The following RAB3D variants were observed in gnomAD, a reference collection of about 807,000 sequenced individuals.
RAB3D encodes ras-related protein Rab-3D.
Under a neutral mutation model 19.3 loss-of-function variants are expected in RAB3D, and 17 were observed. The ratio of observed to expected loss-of-function variants is 0.88; its 90% CI spans 0.60 to 1.32. The LOEUF is 1.32. RAB3D is among the 40% of genes most tolerant of loss of function. The pLI is 0.00. For missense variants in RAB3D, 223 were observed against 299.1 expected (o/e 0.75, Z 1.88); for synonymous variants, 103 against 119.9 (o/e 0.86, Z 0.92).
intron 4 of RAB3D, among the ~76,000 whole-genome samples, chr19:11,327,932 G>A (rs1398911206): frequency 6.6e-6 from 1 of 152,038 alleles, no homozygotes; most frequent in African/African-American, 2.4e-5. Flanking sequence ...AAAGTATTAA[G>A]ACAGCCTATA....
rs758587387 is a variant in RAB3D, at chr19:11,335,447, C to T, written c.472G>A (p.Gly158Ser). 2 of 1,614,026 alleles carry T rather than the reference C, an allele frequency of 1.2e-6. No homozygotes were observed. The highest frequency in any genetic ancestry group is 2.2e-5 in the South Asian group (2 of 91,074). ...EDGRRLADDL[G>S]FEFFEASAKE... ...CCTGTGGCCCAGGCTGGGCACTAAC[C>T]AAGGTCGTCGGCGAGCCTCCGGCCA... The change falls in exon 4 of 5, where the codon GGT becomes AGT. Residue 158 changes from glycine to serine, a missense_variant and splice_region_variant. Gly to Ser is a moderately conservative substitution (Grantham distance 56, BLOSUM62 0). Transcript: ENST00000222120.
At chr19:11,326,480 G>T (rs533514801) in intron 4 of RAB3D, among the ~76,000 whole-genome samples, 1 of 152,342 alleles carries the variant, frequency 6.6e-6, no homozygotes, top group East Asian at 1.9e-4. Flanking sequence ...ATAGGTGGGA[G>T]GGTACATGAA....
At chr19:11,326,245 G>A (rs318686) in intron 4 of RAB3D, among the ~76,000 whole-genome samples, 15,554 of 151,508 alleles carry the variant, frequency 0.1, 1,177 homozygotes, top group African/African-American at 0.21. Context: ...GAGGGGCATG[G>A]TGGCGTTCAC....
intron 4 of RAB3D, among the ~76,000 whole-genome samples, chr19:11,330,848 C>CA (rs34663558): frequency 3.3e-5 from 5 of 151,564 alleles, no homozygotes; most frequent in African/African-American, 9.7e-5. Flanking sequence ...CTGCGCCCGG[C>CA]AAAAAAATTT....
At chr19:11,335,640 G>A (rs565477628) in intron 3 of RAB3D, 25 bp downstream of exon 3, 2 of 1,613,834 alleles carry the variant, frequency 1.2e-6, no homozygotes, top group Middle Eastern at 1.6e-4. Flanking sequence ...CAAAGATCAG[G>A]GGTCCATGAT....
At chr19:11,331,401 CA>C (rs2147968632) in intron 4 of RAB3D, among the ~76,000 whole-genome samples, 1 of 149,318 alleles carries the variant, frequency 6.7e-6, no homozygotes, top group African/African-American at 2.5e-5. Context: ...TATTTTTTTT[CA>C]ACCACTTAAA....
intron 4 of RAB3D, among the ~76,000 whole-genome samples, chr19:11,332,677 C>T (rs1230767795): frequency 2.0e-5 from 3 of 152,164 alleles, no homozygotes; most frequent in Non-Finnish European, 2.9e-5. Flanking sequence ...GACAGGGTCT[C>T]GCTATATTGC....
chr19:11,328,195 A>G (rs576607984), intron 4 of RAB3D, among the ~76,000 whole-genome samples: 37 of 151,774 alleles, frequency 2.4e-4, no homozygotes, highest in African/African-American at 8.7e-4. Context: ...TTAGCTGGCC[A>G]TGGTGGTGCA....
chr19:11,328,687 T>C (rs769877380), intron 4 of RAB3D, among the ~76,000 whole-genome samples: 5 of 151,578 alleles, frequency 3.3e-5, no homozygotes, highest in African/African-American at 9.7e-5. Context: ...TGTGGTGGCA[T>C]GCACCCGTAG....
Sources: gnomAD v4.1 joint callset for allele counts (sites outside exome capture counted in the v4.1 genomes callset) on GRCh38, gnomAD v4.1.1 for gene constraint, MANE v1.5 for transcripts, NCBI Gene and HGNC (gene_info 2026-07-23, HGNC 2026-07-21) for gene names.